Variants in ITPR2 observed in about 807,000 individuals in gnomAD.
ITPR2 encodes inositol 1,4,5-trisphosphate receptor type 2, also known as inositol 1,4,5-trisphosphate-gated calcium channel ITPR2.
ITPR2 carries 207 observed loss-of-function variants against 317.1 expected under a neutral mutation model. The observed-to-expected ratio is 0.65, with a 90% CI of 0.58 to 0.73. The LOEUF (loss-of-function observed/expected upper bound fraction) is 0.73, where lower values mean the gene tolerates loss of function less well. Among genes scored for constraint, ITPR2 ranks in the 30% least tolerant of loss-of-function variants. The pLI, the probability that ITPR2 is intolerant of heterozygous loss-of-function variation, is 0.00. For missense variants in ITPR2, 2,613 were observed against 3,284.0 expected (o/e 0.80, Z 4.99); for synonymous variants, 1,156 against 1,149.1 (o/e 1.01, Z -0.12).
chr12:26,665,228 A>T (rs1947598625), intron 14 of ITPR2, among the ~76,000 whole-genome samples: 1 of 152,206 alleles, frequency 6.6e-6, no homozygotes. Flanking sequence ...CTACTTTCCC[A>T]GGGAAGAGAA....
intron 50 of ITPR2, among the ~76,000 whole-genome samples, chr12:26,416,668 T>G (rs984249839): frequency 6.6e-6 from 1 of 152,198 alleles, no homozygotes; most frequent in Non-Finnish European, 1.5e-5. Flanking sequence ...AAAAGTCTAT[T>G]TTGCAATCTA....
chr12:26,626,963 A>T (rs1291218883), intron 23 of ITPR2, among the ~76,000 whole-genome samples: 3 of 152,180 alleles, frequency 2.0e-5, no homozygotes, highest in Admixed American at 2.0e-4. Flanking sequence ...AAAAAAAAAA[A>T]TGGTAATTTA....
At chr12:26,609,144 C>T (rs1473913376) in intron 26 of ITPR2, among the ~76,000 whole-genome samples, 8 of 152,230 alleles carry the variant, frequency 5.3e-5, no homozygotes, top group Admixed American at 5.2e-4. Context: ...GCCTTTTACA[C>T]TCACTTGTTC....
intron 42 of ITPR2, among the ~76,000 whole-genome samples, chr12:26,482,901 T>A (rs1178227922): frequency 3.3e-5 from 5 of 152,224 alleles, no homozygotes; most frequent in South Asian, 2.1e-4. Context: ...ATGACTTTTT[T>A]AATATTTATA....
At chr12:26,597,189 T>G (rs1484697305) in intron 30 of ITPR2, 55 bp from the exon 31 acceptor site, 2 of 1,591,074 alleles carry the variant, frequency 1.3e-6, no homozygotes, top group Non-Finnish European at 1.7e-6. Flanking sequence ...TCCTTGCAGT[T>G]ATTTCCAAAG....
intron 13 of ITPR2, among the ~76,000 whole-genome samples, chr12:26,673,325 A>G (rs1947832884): frequency 1.3e-5 from 2 of 152,210 alleles, no homozygotes; most frequent in African/African-American, 4.8e-5. Flanking sequence ...ATCCAGCAGC[A>G]CATCAAAAAG....
intron 55 of ITPR2, among the ~76,000 whole-genome samples, chr12:26,365,758 A>G (rs1938988876): frequency 6.6e-6 from 1 of 152,238 alleles, no homozygotes; most frequent in South Asian, 2.1e-4. Flanking sequence ...GACTAAGACA[A>G]TGTCAATGAA....
At chr12:26,683,620 T>C (rs1948076742) in intron 11 of ITPR2, among the ~76,000 whole-genome samples, 1 of 152,228 alleles carries the variant, frequency 6.6e-6, no homozygotes, top group African/African-American at 2.4e-5. Flanking sequence ...AGGCTATGTA[T>C]TCGTCAACAA....
chr12:26,695,675 T>A (rs189283116), intron 9 of ITPR2, 25 bp from the exon 10 acceptor site: 18 of 1,563,762 alleles, frequency 1.2e-5, no homozygotes, highest in Non-Finnish European at 1.6e-5. Context: ...GAAAATTTAG[T>A]TTTTCATTGC....
At chr12:26,523,111 G>C (rs1591855234) in intron 37 of ITPR2, among the ~76,000 whole-genome samples, 1 of 152,156 alleles carries the variant, frequency 6.6e-6, no homozygotes, top group African/African-American at 2.4e-5. Flanking sequence ...CATTGATTTT[G>C]GTTGTTCCCC....
intron 37 of ITPR2, among the ~76,000 whole-genome samples, chr12:26,546,622 G>A (rs954540731): frequency 2.0e-5 from 3 of 151,966 alleles, no homozygotes; most frequent in African/African-American, 7.2e-5. Context: ...AACAAAGCTG[G>A]AGGCATCAAA....
intron 37 of ITPR2, among the ~76,000 whole-genome samples, chr12:26,520,940 G>T (rs1283252715): frequency 1.3e-5 from 2 of 152,114 alleles, no homozygotes; most frequent in Non-Finnish European, 2.9e-5. Context: ...GTTTATGTAA[G>T]GAATATAACA....
intron 51 of ITPR2, among the ~76,000 whole-genome samples, chr12:26,411,821 T>A (rs1940560428): frequency 6.6e-6 from 1 of 152,166 alleles, no homozygotes; most frequent in African/African-American, 2.4e-5. Flanking sequence ...AGGCAGGGAC[T>A]GCTGCTGGTA....
At chr12:26,691,109 A>G (rs1948231526) in intron 10 of ITPR2, among the ~76,000 whole-genome samples, 1 of 152,216 alleles carries the variant, frequency 6.6e-6, no homozygotes, top group Non-Finnish European at 1.5e-5. Flanking sequence ...CTTGGTAGAC[A>G]GTCTGACAGT....
At chr12:26,679,066 T>C (rs937782182) in intron 13 of ITPR2, among the ~76,000 whole-genome samples, 4 of 152,190 alleles carry the variant, frequency 2.6e-5, no homozygotes, top group Non-Finnish European at 4.4e-5. Context: ...AAATAAAAAT[T>C]CCTATCTGCA....
chr12:26,505,678 C>T (rs1943166979), intron 37 of ITPR2, among the ~76,000 whole-genome samples: 1 of 152,158 alleles, frequency 6.6e-6, no homozygotes, highest in South Asian at 2.1e-4. Flanking sequence ...ACCATGAGGA[C>T]AGGAACTATA....
At chr12:26,577,241 A>G (rs1945297333) in intron 34 of ITPR2, among the ~76,000 whole-genome samples, 2 of 152,252 alleles carry the variant, frequency 1.3e-5, no homozygotes, top group African/African-American at 4.8e-5. Flanking sequence ...GGAGGGTAGC[A>G]GAGGCCAAGC....
chr12:26,797,297 G>T (rs1950464670), intron 1 of ITPR2, among the ~76,000 whole-genome samples: 1 of 152,156 alleles, frequency 6.6e-6, no homozygotes, highest in African/African-American at 2.4e-5. Context: ...GTGGCTATCA[G>T]ATTTTTAAAT....
In ITPR2 at chr12:26,436,979, G is replaced by A. The variant is rs566539230; in HGVS notation, c.6644-633C>T. ...GAAAATGAGCACTATAATAAAAACT[G>A]TTAATAAGTGGAACACGCTTTGCTG... On this transcript the variant is annotated intron_variant, in intron 47 of 56. Coordinates refer to ENST00000381340, the MANE Select transcript of ITPR2 (RefSeq NM_002223.4). Among the ~76,000 whole-genome samples, 21 of 152,298 alleles carry A rather than the reference G, an allele frequency of 1.4e-4. No individual in the cohort carries two copies. The South Asian group carries it at 4.1e-3, about 30-fold the overall frequency.
Sources: allele counts gnomAD v4.1 joint callset (sites outside exome capture counted in the v4.1 genomes callset), GRCh38; gene constraint gnomAD v4.1.1; transcripts MANE v1.5; gene names NCBI Gene and HGNC (gene_info 2026-07-23, HGNC 2026-07-21).